The following MUC12 variants were observed in gnomAD, a reference collection of about 807,000 sequenced individuals.
The protein encoded by MUC12 is mucin 12, cell surface associated.
A neutral mutation model predicts 230.8 loss-of-function variants in MUC12; 172 were observed. That is an observed-to-expected ratio of 0.75 (90% confidence interval 0.66 to 0.85). MUC12 has a LOEUF of 0.85. MUC12 is among the 40% of genes least tolerant of loss of function. MUC12 has a pLI of 0.00. For synonymous variants in MUC12, 1,259 were observed against 2,401.9 expected, an observed-to-expected ratio of 0.52 and a Z score of 13.91; for missense variants, 3,506 against 5,920.6, an observed-to-expected ratio of 0.59 and a Z score of 13.38.
Position 100,991,581 on chromosome 7 carries a change from A to T in MUC12, c.1018A>T (p.Thr340Ser), listed in dbSNP as rs750993881. Reference sequence around the variant, plus strand: ...ACCAGTCCACAGCAGCCCAGTTGCAACTGCAACAACACCCCCACCTGCCCG... The same window carrying T: ...ACCAGTCCACAGCAGCCCAGTTGCATCTGCAACAACACCCCCACCTGCCCG... The part of the protein sequence containing the change: ...STPVHSSPVA[T>S]ATTPPPARSA... Residue 340 changes from threonine (T) to serine (S), a missense_variant, in exon 2 of 12, where the codon ACT becomes TCT. Transcript: ENST00000536621. The T allele has an allele frequency of 1.3e-6, 2 of 1,536,832 alleles. No homozygotes were observed. The highest frequency in any genetic ancestry group is 2.7e-5 in the African/African-American group (2 of 72,960).
Position 101,017,647 on chromosome 7 carries a change from T to C in MUC12, c.15950T>C (p.Val5317Ala), listed in dbSNP as rs1482407558. 1 of 1,535,992 alleles carries C rather than the reference T, an allele frequency of 6.5e-7. No homozygotes were observed. The highest frequency in any genetic ancestry group is 8.7e-7 in the Non-Finnish European group (1 of 1,146,088). The change falls in exon 11 of 12, where the codon GTT becomes GCT. Residue 5317 changes from valine to alanine, a missense_variant. Val to Ala is a moderately conservative substitution (Grantham distance 64, BLOSUM62 0). Transcript: ENST00000536621. ...AACTTCCGGCCCACCCTGGAGACTG[T>C]TGACTCTGGCACAGAGGTGACTCAG... Reference protein sequence around the residue: ...YNNFRPTLETVDSGTELHIQR... With the variant: ...YNNFRPTLETADSGTELHIQR...
At chr7:101,010,508 T>C (rs1793825867) in intron 5 of MUC12, among the ~76,000 whole-genome samples, 1 of 152,102 alleles carries the variant, frequency 6.6e-6, no homozygotes, top group Non-Finnish European at 1.5e-5. Flanking sequence ...GGCTAATTTT[T>C]GTAATTTTTT....
Position 101,005,212 on chromosome 7 carries a change from C to A in MUC12, c.14649C>A (p.Asp4883Glu). The A allele has an allele frequency of 6.5e-7, 1 of 1,537,926 alleles. No individual in the cohort carries two copies. Among genetic ancestry groups the A allele is most frequent in the Non-Finnish European group, 8.7e-7 (1 of 1,147,066 alleles). Residue 4883 changes from aspartate to glutamate, a missense_variant, in exon 2 of 12, where the codon GAC (aspartate) becomes GAA (glutamate). Physicochemically the swap from Asp to Glu is conservative, Grantham distance 45. Transcript: ENST00000536621. ...GTCAACAATCTACACCCTTCCCTGA[C>A]AGCCCAGGCTTCACTCACACAGTGT... Reference protein sequence around the residue: ...IHSQQSTPFPDSPGFTHTVLP... With the variant: ...IHSQQSTPFPESPGFTHTVLP...
chr7:100,985,016 G>A (rs188346027), intron 1 of MUC12, among the ~76,000 whole-genome samples: 3 of 152,032 alleles, frequency 2.0e-5, no homozygotes, highest in South Asian at 2.1e-4. Context: ...ACAGGCACCC[G>A]CCACCACGCC....
intron 2 of MUC12, 36 bp downstream of exon 2, chr7:101,005,555 T>C (rs1466510041): frequency 6.6e-6 from 10 of 1,513,456 alleles, no homozygotes; most frequent in Middle Eastern, 1.7e-4. Context: ...GTTTAGCTTC[T>C]TCTCCAGGCC....
rs777070296 is a variant in MUC12 at position 100,990,690 on chromosome 7, A to C, written c.127A>C (p.Ser43Arg). The C allele has an allele frequency of 2.6e-6, 4 of 1,537,870 alleles. No individual in the cohort carries two copies. The highest frequency in any genetic ancestry group is 3.5e-6 in the Non-Finnish European group (4 of 1,147,036). Residue 43 changes from serine (S) to arginine (R), a missense_variant, in exon 2 of 12, where the codon AGC (serine) becomes CGC (arginine). Coordinates refer to ENST00000536621, the MANE Select transcript of MUC12 (RefSeq NM_001164462.2). The part of the protein sequence containing the change: ...NTTSASTPSS[S>R]DPFTTFSDYG... ...AACTTCTGCATCCACACCCAGTTCA[A>C]GCGACCCTTTTACCACCTTTAGTGA...
rs1265119592 is a variant in MUC12, at chr7:100,995,551, T to C, written c.4988T>C (p.Val1663Ala). The C allele has an allele frequency of 1.3e-6, 2 of 1,535,356 alleles. No homozygotes were observed. Among genetic ancestry groups the C allele is most frequent in the Non-Finnish European group, 1.7e-6 (2 of 1,146,616 alleles). ...ASGLLEASTP[V>A]HSSTGSPHTT... is the part of the protein sequence containing the mutation. Reference sequence around the variant, plus strand: ...GGCCTCCTTGAAGCATCTACGCCCGTCCACAGCAGCACTGGATCGCCACAC... The same window carrying C: ...GGCCTCCTTGAAGCATCTACGCCCGCCCACAGCAGCACTGGATCGCCACAC... The change falls in exon 2 of 12, where the codon GTC (valine) becomes GCC (alanine). Residue 1663 changes from valine to alanine, a missense_variant. Coordinates refer to ENST00000536621, the MANE Select transcript of MUC12 (RefSeq NM_001164462.2).
At position 100,969,610 on chromosome 7, in the gene MUC12, C is replaced by A. The variant is rs754054380; in HGVS notation, c.-13C>A. ...GAGAGAAGATGGGCAGCCAGGGGCCCGTTCCCCGGGAGATGCTGGTGATCT... is the reference window on the plus strand; with the variant it reads ...GAGAGAAGATGGGCAGCCAGGGGCCAGTTCCCCGGGAGATGCTGGTGATCT... On this transcript the variant is annotated 5_prime_UTR_variant, in exon 1 of 12. Coordinates refer to ENST00000536621, the MANE Select transcript of MUC12 (RefSeq NM_001164462.2). The A allele has an allele frequency of 4.6e-6, 7 of 1,537,320 alleles. No individual in the cohort carries two copies. In the African/African-American group the frequency reaches 9.6e-5, roughly 21 times the overall value.
At chr7:100,971,198 G>A (rs995680087) in intron 1 of MUC12, among the ~76,000 whole-genome samples, 1 of 472 alleles carries the variant, frequency 2.1e-3, no homozygotes, top group African/African-American at 7.8e-3. Context: ...AAAACAAACC[G>A]TGGCTGAGGG....
At position 100,992,513 on chromosome 7, in the gene MUC12, C is replaced by A. The variant is rs1357684485; in HGVS notation, c.1950C>A (p.Thr650=). 1.6e-5 allele frequency: 24 copies of A among 1,537,946 alleles called. No individual in the cohort carries two copies. Among genetic ancestry groups the A allele is most frequent in the East Asian group, 2.4e-5 (1 of 40,928 alleles). ...SKDTRPAPPT[T]TSAFVEPSTT... is the part of the protein sequence containing the mutation. ...ACACTAGGCCTGCACCTCCTACTAC[C>A]ACATCAGCCTTTGTTGAGCCATCTA... Residue 650 remains threonine, a synonymous_variant, in exon 2 of 12, where the codon ACC becomes ACA. Transcript: ENST00000536621.
rs957097790 is a variant in MUC12, at chr7:101,012,925, G to C, written c.15475+35G>C. 5 of 1,537,148 alleles carry C rather than the reference G, an allele frequency of 3.3e-6. No homozygotes were observed. The African/African-American group carries it at 5.5e-5, about 17-fold the overall frequency. ...TACGTGGAGCGTGGGCACTAAGAGT[G>C]GGGGCTGGGATGCTTTGGCCAGGCT... is the stretch of plus-strand genomic sequence containing the variant. On this transcript the variant is annotated intron_variant, in intron 7 of 11. Transcript: ENST00000536621.
In MUC12 at chr7:101,004,350, C is replaced by G. The variant is rs1291081277; in HGVS notation, c.13787C>G (p.Ser4596Ter). 33 of 1,382,036 alleles carry G rather than the reference C, an allele frequency of 2.4e-5. No individual in the cohort carries two copies. The highest frequency in any genetic ancestry group is 3.2e-5 in the Non-Finnish European group (33 of 1,043,736). 85.6% of individuals were successfully genotyped at this position (1,382,036 alleles called of 1,614,324 possible). A position where few individuals can be genotyped will look rare whatever the true frequency, so the allele number is the denominator to read the frequency against. ...TTPSPARSTT[S>*]GLVEESTAYH... Reference sequence around the variant, plus strand: ...CCCTCGCCTGCCCGCTCCACAACCTCAGGCCTCGTTGAAGAATCTACGGCG... The same window carrying G: ...CCCTCGCCTGCCCGCTCCACAACCTGAGGCCTCGTTGAAGAATCTACGGCG... Residue 4596 changes from serine (S) to a stop codon, truncating the protein, a stop_gained, in exon 2 of 12, where the codon TCA becomes TGA. Transcript: ENST00000536621. LOFTEE classifies it high-confidence loss of function.
intron 1 of MUC12, among the ~76,000 whole-genome samples, chr7:100,971,742 G>T (rs1386587550): frequency 2.0e-5 from 3 of 152,310 alleles, no homozygotes; most frequent in African/African-American, 7.2e-5. Flanking sequence ...TGGGTCTTAG[G>T]AGGGGTCCTC....
At chr7:101,012,924 T>C (rs958657121) in intron 7 of MUC12, 34 bp downstream of exon 7, 1 of 1,536,884 alleles carries the variant, frequency 6.5e-7, no homozygotes, top group South Asian at 1.2e-5. Context: ...GCACTAAGAG[T>C]GGGGGCTGGG....
rs756092785 is a variant in MUC12, at chr7:100,994,607, C to A, written c.4044C>A (p.Asp1348Glu). 8.1e-6 allele frequency: 7 copies of A among 862,464 alleles called. 2 individuals carry two copies. The highest frequency in any genetic ancestry group is 6.1e-5 in the African/African-American group (2 of 32,610). 53.4% of individuals were successfully genotyped at this position (862,464 alleles called of 1,614,324 possible). ...TAFPDSTTTSDLSQEPTTSHS... is the reference protein window; with the variant it reads ...TAFPDSTTTSELSQEPTTSHS... The stretch of plus-strand genomic sequence containing the variant: ...TCCCTGACAGCACCACCACCTCAGA[C>A]CTCAGTCAGGAACCTACAACTTCCC... Residue 1348 changes from aspartate (D) to glutamate (E), a missense_variant, in exon 2 of 12, where the codon GAC becomes GAA. Asp to Glu is a conservative substitution (Grantham distance 45, BLOSUM62 2). Transcript: ENST00000536621.
In MUC12 at chr7:101,013,138, T is replaced by C. The variant is rs998777676; in HGVS notation, c.15634T>C (p.Cys5212Arg). ...TCAGCTGCAACGCAGTGGCCCCCGC[T>C]GCCTGTGAGTGTCCCCATAAGCCCA... ...TCQLQRSGPR[C>R]LCPNTNTHWY... Residue 5212 changes from cysteine to arginine, a missense_variant, in exon 8 of 12, where the codon TGC (cysteine) becomes CGC (arginine). Cys to Arg is a radical substitution (Grantham distance 180). Transcript: ENST00000536621. 2.6e-6 allele frequency: 4 copies of C among 1,537,132 alleles called. No homozygotes were observed. Among genetic ancestry groups the C allele is most frequent in the African/African-American group, 2.7e-5 (2 of 73,062 alleles).
At chr7:101,015,355 AC>A in intron 9 of MUC12, 1 of 495,124 alleles carries the variant, frequency 2.0e-6, no homozygotes, top group Non-Finnish European at 3.6e-6. Flanking sequence ...GAAGGGAGCT[AC>A]CCTACGCCCC....
chr7:101,006,655 C>T (rs1793757950), intron 3 of MUC12, 83 bp downstream of exon 3: 2 of 898,920 alleles, frequency 2.2e-6, no homozygotes, highest in East Asian at 2.7e-5. Context: ...AAGGATCAGC[C>T]ACTGCCTCAC....
chr7:100,969,695 T>A lies in MUC12; in HGVS notation c.67+6T>A. The stretch of plus-strand genomic sequence containing the variant: ...CGTTACTACAGTGACACCAGGTGAG[T>A]GCTCCTGGGCTGATGCTCCAGGTCC... On this transcript the variant is annotated splice_donor_region_variant and intron_variant, in intron 1 of 11. Coordinates refer to ENST00000536621, the MANE Select transcript of MUC12 (RefSeq NM_001164462.2). 3 of 1,537,364 alleles carry A rather than the reference T, an allele frequency of 2.0e-6. No homozygotes were observed. The highest frequency in any genetic ancestry group is 2.6e-6 in the Non-Finnish European group (3 of 1,146,890).
Sources: allele counts gnomAD v4.1 joint callset (sites outside exome capture counted in the v4.1 genomes callset), GRCh38; gene constraint gnomAD v4.1.1; transcripts MANE v1.5; gene names NCBI Gene and HGNC (gene_info 2026-07-23, HGNC 2026-07-21).